PLEC: variants seen among roughly 807,000 people sequenced by gnomAD.
PLEC encodes hemidesmosomal protein 1.
PLEC carries 216 observed loss-of-function variants against 392.8 expected under a neutral mutation model. That is an observed-to-expected ratio of 0.55 (90% CI 0.49 to 0.62). The LOEUF is 0.62. Among genes scored for constraint, PLEC ranks in the 20% least tolerant of loss-of-function variants. The pLI, the probability that PLEC is intolerant of heterozygous loss-of-function variation, is 0.00. For synonymous variants in PLEC, 3,621 were observed against 2,980.6 expected, an observed-to-expected ratio of 1.21 and a Z score of -7.00; for missense variants, 6,863 against 6,563.4, an observed-to-expected ratio of 1.05 and a Z score of -1.58.
At position 143,933,366 on chromosome 8, in the gene PLEC, C is replaced by T. The variant is rs7003580; in HGVS notation, c.1264-15G>A. ...AGCCGGACATCCTGCAAGGTCGTTGCCATGACTCGGAGCACAGCTGATCCC... is the reference window on the plus strand; with the variant it reads ...AGCCGGACATCCTGCAAGGTCGTTGTCATGACTCGGAGCACAGCTGATCCC... On this transcript the variant is annotated splice_polypyrimidine_tract_variant and intron_variant, in intron 12 of 31. Transcript: ENST00000345136. 643,818 of 1,607,214 alleles carry T rather than the reference C, an allele frequency of 0.4. 133,456 individuals are homozygous for T. The highest frequency in any genetic ancestry group is 0.64 in the African/African-American group (47,829 of 74,940).
intron 1 of PLEC, among the ~76,000 whole-genome samples, chr8:143,968,743 C>T (rs1219319943): frequency 3.3e-5 from 5 of 152,116 alleles, no homozygotes; most frequent in Non-Finnish European, 5.9e-5. Context: ...AACAATCACA[C>T]CAAAGTGTTC....
chr8:143,943,574 G>A (rs1199607001), upstream of PLEC, among the ~76,000 whole-genome samples: 4 of 152,162 alleles, frequency 2.6e-5, no homozygotes, highest in African/African-American at 9.7e-5. Flanking sequence ...CAGGCTGCAG[G>A]CTGAGGGCCA....
Position 143,930,359 on chromosome 8 carries a change from C to A in PLEC, c.2457+25G>T, listed in dbSNP as rs1554713635. 5.1e-6 allele frequency: 8 copies of A among 1,578,600 alleles called. No individual in the cohort carries two copies. The Admixed American group carries it at 9.0e-5, about 18-fold the overall frequency. On this transcript the variant is annotated intron_variant, in intron 20 of 31. Transcript: ENST00000345136. The stretch of plus-strand genomic sequence containing the variant: ...CCCTGCCCTGCCTGGCCACGCCCCC[C>A]AGTGGACCCCCGGCCTGCGCTCACC...
intron 1 of PLEC, among the ~76,000 whole-genome samples, chr8:143,944,949 G>A (rs1041349446): frequency 3.3e-5 from 5 of 150,960 alleles, no homozygotes; most frequent in Admixed American, 6.6e-5. Context: ...CTGGCTGGAC[G>A]GTGCCACCCG....
chr8:143,929,055 C>A (rs1554710073), intron 25 of PLEC, 48 bp downstream of exon 25: 1 of 1,513,226 alleles, frequency 6.6e-7, no homozygotes, highest in Admixed American at 2.0e-5. Context: ...CTCACCCCAG[C>A]ACCCCCCAGC....
At position 143,933,330 on chromosome 8, in the gene PLEC, C is replaced by T. The variant is rs200066994; in HGVS notation, c.1285G>A (p.Gly429Ser). ...LQSDVRLLAAGKVPQRAGEVE... is the reference protein window; with the variant it reads ...LQSDVRLLAASKVPQRAGEVE... ...TCCCCCGCCCGCTGTGGCACTTTGCCTGCAGCCAGCAGCCGGACATCCTGC... is the reference window on the plus strand; with the variant it reads ...TCCCCCGCCCGCTGTGGCACTTTGCTTGCAGCCAGCAGCCGGACATCCTGC... The change falls in exon 13 of 32, where the codon GGC becomes AGC. Residue 429 changes from glycine to serine, a missense_variant. Coordinates refer to ENST00000345136, the MANE Select transcript of PLEC (RefSeq NM_201384.3). 1.3e-5 allele frequency: 21 copies of T among 1,612,212 alleles called. No homozygotes were observed. Among genetic ancestry groups the T allele is most frequent in the Admixed American group, 5.0e-5 (3 of 60,028 alleles).
rs782445140 is a variant in PLEC at position 143,921,933 on chromosome 8, G to A, written c.7888C>T (p.Arg2630Trp). 5.0e-6 allele frequency: 8 copies of A among 1,599,364 alleles called. No homozygotes were observed. The highest frequency in any genetic ancestry group is 6.8e-6 in the Non-Finnish European group (8 of 1,179,808). The change falls in exon 32 of 32, where the codon CGG becomes TGG. Residue 2630 changes from arginine (R) to tryptophan (W), a missense_variant. Coordinates refer to ENST00000345136, the MANE Select transcript of PLEC (RefSeq NM_201384.3). ...GCCGCGGGGCCATCAAGTGCATCCC[G>A]GCCATTGGGCAGGGTCTTTGTGGCA... Reference protein sequence around the residue: ...VAATKTLPNGRDALDGPAAEA... With the variant: ...VAATKTLPNGWDALDGPAAEA...
rs781899429 is a variant in PLEC, at chr8:143,925,456, C to T, written c.4473G>A (p.Gln1491=). ...GCAAGCGCTCGGCCTCCTCCTGCGC[C>T]TGTCGCTTTTGTGCCTCAGCCTCCT... ...RAEEAEAQKR[Q]AQEEAERLRR... The change falls in exon 31 of 32, where the codon CAG becomes CAA. Residue 1491 remains glutamine, a synonymous_variant. Transcript: ENST00000345136. 1 of 1,595,984 alleles carries T rather than the reference C, an allele frequency of 6.3e-7. No homozygotes were observed. The highest frequency in any genetic ancestry group is 8.5e-7 in the Non-Finnish European group (1 of 1,177,968).
At position 143,920,187 on chromosome 8, in the gene PLEC, G is replaced by C. The variant is rs782518644; in HGVS notation, c.9634C>G (p.Leu3212Val). 6.2e-7 allele frequency: 1 copy of C among 1,611,212 alleles called. No homozygotes were observed. The highest frequency in any genetic ancestry group is 1.3e-5 in the African/African-American group (1 of 74,940). The change falls in exon 32 of 32, where the codon CTC becomes GTC. Residue 3212 changes from leucine (L) to valine (V), a missense_variant. By Grantham distance (32) the Leu-to-Val change is conservative. Coordinates refer to ENST00000345136, the MANE Select transcript of PLEC (RefSeq NM_201384.3). The stretch of plus-strand genomic sequence containing the variant: ...CGGGCCCGAGCAGCCTTTTCTGAGA[G>C]CGGCAGCAGGCTCAGCCCGGTCAGC... ...DQLTGLSLLP[L>V]SEKAARARQE...
rs577933579 is a variant in PLEC at position 143,916,858 on chromosome 8, G to A, written c.12963C>T (p.Ile4321=). The A allele has an allele frequency of 1.9e-6, 3 of 1,612,830 alleles. No individual in the cohort carries two copies. In the African/African-American group the frequency reaches 4.0e-5, roughly 21 times the overall value. The part of the protein sequence containing the change: ...LLEAQACTGG[I]IDPSTGERFP... ...AGCGCTCACCGGTGCTGGGGTCGATGATGCCCCCGGTGCAGGCCTGCGCCT... is the reference window on the plus strand; with the variant it reads ...AGCGCTCACCGGTGCTGGGGTCGATAATGCCCCCGGTGCAGGCCTGCGCCT... Residue 4321 remains isoleucine (I), a synonymous_variant, in exon 32 of 32, where the codon ATC becomes ATT. Transcript: ENST00000345136.
At chr8:143,965,921 T>A (rs1554742086) in intron 1 of PLEC, among the ~76,000 whole-genome samples, 1 of 152,146 alleles carries the variant, frequency 6.6e-6, no homozygotes, top group Non-Finnish European at 1.5e-5. Context: ...CGGGCCAGCA[T>A]CCAGCTGAGG....
intron 3 of PLEC, 105 bp downstream of exon 3, chr8:143,938,046 G>A: frequency 1.3e-6 from 1 of 799,454 alleles, no homozygotes; most frequent in South Asian, 1.5e-5. Flanking sequence ...GGGTTGAGCT[G>A]GATTCCAAGT....
In PLEC at chr8:143,928,007, G is replaced by C. The variant is rs2131631289; in HGVS notation, c.3261-15C>G. ...TGGTCTTGAGCCTGGCGGGAAAGCG[G>C]GGCTCAGGGCCATGACATGGGGCTC... On this transcript the variant is annotated splice_polypyrimidine_tract_variant and intron_variant, in intron 25 of 31. Coordinates refer to ENST00000345136, the MANE Select transcript of PLEC (RefSeq NM_201384.3). The C allele has an allele frequency of 6.3e-7, 1 of 1,585,816 alleles. No homozygotes were observed. Among genetic ancestry groups the C allele is most frequent in the Non-Finnish European group, 8.6e-7 (1 of 1,162,076 alleles).
At chr8:143,974,700 C>G (rs78052796), upstream of PLEC, among the ~76,000 whole-genome samples, 852 of 152,326 alleles carry the variant, frequency 5.6e-3, 9 homozygotes, top group African/African-American at 0.019. This position sits in a 1 kb window ranked among gnomAD's most constrained non-coding sequence, Gnocchi z 5.9. Flanking sequence ...CTGCCCTCCC[C>G]CTTCCCCAAG....
chr8:143,925,051 C>A lies in PLEC; in HGVS notation c.4878G>T (p.Glu1626Asp). The A allele has an allele frequency of 1.3e-6, 2 of 1,548,590 alleles. No individual in the cohort carries two copies. The highest frequency in any genetic ancestry group is 2.3e-5 in the South Asian group (2 of 85,540). The change falls in exon 31 of 32, where the codon GAG (glutamate) becomes GAT (aspartate). Residue 1626 changes from glutamate to aspartate, a missense_variant. By Grantham distance (45) the Glu-to-Asp change is conservative. Coordinates refer to ENST00000345136, the MANE Select transcript of PLEC (RefSeq NM_201384.3). ...QQAEAERARE[E>D]AERELERWQL... ...GCCAGCGCTCCAGCTCCCGCTCTGC[C>A]TCCTCGCGCGCCCGCTCGGCCTCGG...
upstream of PLEC, chr8:143,942,372 G>A (rs782788695): frequency 3.7e-6 from 6 of 1,600,630 alleles, no homozygotes; most frequent in African/African-American, 1.3e-5. Flanking sequence ...CTGTGCCACC[G>A]GCCACGCCAC....
chr8:143,933,154 G>A, intron 13 of PLEC, 43 bp from the exon 14 acceptor site: 1 of 1,608,130 alleles, frequency 6.2e-7, no homozygotes, highest in South Asian at 1.1e-5. Flanking sequence ...CGGGCCTGGG[G>A]CCGTGTGTAC....
upstream of PLEC, among the ~76,000 whole-genome samples, chr8:143,952,216 ACACACGCACGCG>A (rs1564213741): frequency 9.3e-4 from 90 of 96,630 alleles, no homozygotes; most frequent in Middle Eastern, 0.017. Flanking sequence ...ACACGCGCGC[ACACACGCACGCG>A]CACGCGCACG....
At position 143,921,864 on chromosome 8, in the gene PLEC, C is replaced by T; in HGVS notation, c.7957G>A (p.Val2653Met). The T allele has an allele frequency of 6.2e-7, 1 of 1,602,696 alleles. No homozygotes were observed. Among genetic ancestry groups the T allele is most frequent in the Non-Finnish European group, 8.5e-7 (1 of 1,179,730 alleles). The change falls in exon 32 of 32, where the codon GTG becomes ATG. Residue 2653 changes from valine to methionine, a missense_variant. By Grantham distance (21) the Val-to-Met change is conservative (BLOSUM62 1). Coordinates refer to ENST00000345136, the MANE Select transcript of PLEC (RefSeq NM_201384.3). ...GCCTCCTGCAGCCTCTGAGCTGACA[C>T]CTTCCGCCGCAGGCCATCGAAGCTG... The part of the protein sequence containing the change: ...EHSFDGLRRK[V>M]SAQRLQEAGI...
Sources: gnomAD v4.1 joint callset for allele counts (sites outside exome capture counted in the v4.1 genomes callset) on GRCh38, gnomAD v4.1.1 for gene constraint, Gnocchi (gnomAD v3.1) non-coding constraint, MANE v1.5 for transcripts, NCBI Gene and HGNC (gene_info 2026-07-23, HGNC 2026-07-21) for gene names.